PUM2: variants seen among roughly 807,000 people sequenced by gnomAD.
PUM2 encodes the protein pumilio RNA binding family member 2.
Under a neutral mutation model 124.5 loss-of-function variants are expected in PUM2, and 57 were observed. The ratio of observed to expected loss-of-function variants is 0.46; its 90% CI spans 0.37 to 0.57. The LOEUF is 0.57. Among genes scored for constraint, PUM2 ranks in the 20% least tolerant of loss-of-function variants. PUM2 has a pLI of 0.00. For missense variants in PUM2, 1,065 were observed against 1,290.6 expected (o/e 0.83, Z 2.68); for synonymous variants, 460 against 446.1 (o/e 1.03, Z -0.39).
intron 1 of PUM2, among the ~76,000 whole-genome samples, chr2:20,344,948 A>C (rs1573039392): frequency 7.4e-6 from 1 of 134,384 alleles, no homozygotes; most frequent in Admixed American, 8.5e-5. Context: ...GTGCCACTGC[A>C]CTCCAGCCAG....
intron 14 of PUM2, among the ~76,000 whole-genome samples, chr2:20,262,241 ACTCACTCAC>A (rs970508193): frequency 1.3e-5 from 2 of 152,238 alleles, no homozygotes; most frequent in Non-Finnish European, 1.5e-5. Context: ...CTCACAACTC[ACTCACTCAC>A]CCGGAGCAAC....
intron 3 of PUM2, among the ~76,000 whole-genome samples, chr2:20,312,795 A>G (rs1380464588): frequency 6.6e-6 from 1 of 152,224 alleles, no homozygotes; most frequent in African/African-American, 2.4e-5. Context: ...AGTTGGAGAC[A>G]TCACGCTACT....
intron 10 of PUM2, among the ~76,000 whole-genome samples, chr2:20,288,729 C>T (rs1000704704): frequency 1.3e-5 from 2 of 152,034 alleles, no homozygotes; most frequent in Admixed American, 1.3e-4. Flanking sequence ...TCAAGTGAGC[C>T]CTTTTTAGTA....
chr2:20,331,117 C>A (rs989500879), intron 1 of PUM2, among the ~76,000 whole-genome samples: 5 of 141,874 alleles, frequency 3.5e-5, no homozygotes, highest in Non-Finnish European at 7.7e-5. Flanking sequence ...TTGGTTCAGA[C>A]AACTTGGGGA....
intron 15 of PUM2, among the ~76,000 whole-genome samples, chr2:20,259,991 T>G (rs1183802336): frequency 6.6e-6 from 1 of 152,248 alleles, no homozygotes. Flanking sequence ...AGGTATAAAA[T>G]GGTATCTCAT....
chr2:20,262,333 A>G (rs1174440885), intron 14 of PUM2, among the ~76,000 whole-genome samples: 1 of 152,180 alleles, frequency 6.6e-6, no homozygotes, highest in Non-Finnish European at 1.5e-5. Flanking sequence ...TTTATACTAT[A>G]GTTTAACTGT....
intron 1 of PUM2, among the ~76,000 whole-genome samples, chr2:20,328,236 A>C (rs1167093262): frequency 6.6e-6 from 1 of 152,202 alleles, no homozygotes; most frequent in Non-Finnish European, 1.5e-5. Context: ...TTCGGGTGGC[A>C]GAAGAATTGC....
In PUM2 at chr2:20,350,682, T is replaced by A. The variant is rs1689184507; in HGVS notation, c.-104A>T. ...TCGCTCTTGGCGGTCCTCCCCCTCC[T>A]CCGCCTTCGGTGGCGGCAATGTCTT... On this transcript the variant is annotated 5_prime_UTR_variant, in exon 1 of 21. Coordinates refer to ENST00000361078, the MANE Select transcript of PUM2 (RefSeq NM_015317.5). 1 of 983,902 alleles carries A rather than the reference T, an allele frequency of 1.0e-6. No individual in the cohort carries two copies. 60.9% of individuals were successfully genotyped at this position (983,902 alleles called of 1,614,324 possible). A position where few individuals can be genotyped will look rare whatever the true frequency, so the allele number is the denominator to read the frequency against.
chr2:20,260,816 A>T (rs1477628602), intron 14 of PUM2, among the ~76,000 whole-genome samples: 2 of 152,198 alleles, frequency 1.3e-5, no homozygotes, highest in Admixed American at 6.5e-5. Context: ...ATAATAAAGG[A>T]AACCCTTAGA....
intron 3 of PUM2, among the ~76,000 whole-genome samples, chr2:20,313,907 CTG>C (rs1402850100): frequency 6.8e-6 from 1 of 147,544 alleles, no homozygotes; most frequent in Non-Finnish European, 1.5e-5. Flanking sequence ...CTTTGACAGA[CTG>C]AGGCGGGTGG....
At chr2:20,351,490 A>G (rs1689335656), upstream of PUM2, among the ~76,000 whole-genome samples, 1 of 151,956 alleles carries the variant, frequency 6.6e-6, no homozygotes, top group Admixed American at 6.6e-5. Context: ...CACAAAGGAA[A>G]CTCAGGTCGT....
intron 17 of PUM2, 37 bp downstream of exon 17, chr2:20,255,996 C>G (rs77051628): frequency 0.031 from 46,525 of 1,492,386 alleles, 887 homozygotes; most frequent in Middle Eastern, 0.067. Context: ...TAAAATAATG[C>G]CCTGCTAACA....
At position 20,339,600 on chromosome 2, in the gene PUM2, C is replaced by A. The variant is rs540030252; in HGVS notation, c.-19+10997G>T. Among the ~76,000 whole-genome samples the A allele has an allele frequency of 2.5e-4, 38 of 152,264 alleles. 1 individual carries two copies. In the South Asian group the frequency reaches 7.3e-3, roughly 29 times the overall value. ...ATTTAAAAGAAAAAAGAAAAGCAGG[C>A]CAGGCATGGTGGCTCATGCCTGTAA... On this transcript the variant is annotated intron_variant, in intron 1 of 20. Transcript: ENST00000361078.
chr2:20,290,287 T>A (rs1673710077), intron 10 of PUM2, among the ~76,000 whole-genome samples: 1 of 152,204 alleles, frequency 6.6e-6, no homozygotes, highest in South Asian at 2.1e-4. Context: ...ACTAAAAGAT[T>A]ATTCTTATAA....
chr2:20,344,224 T>C (rs1342670511), intron 1 of PUM2, among the ~76,000 whole-genome samples: 2 of 152,040 alleles, frequency 1.3e-5, no homozygotes, highest in African/African-American at 2.4e-5. Context: ...CGAGCCACCA[T>C]GCCCAGCTAA....
At chr2:20,320,525 A>G (rs1171771069) in intron 2 of PUM2, among the ~76,000 whole-genome samples, 1 of 152,166 alleles carries the variant, frequency 6.6e-6, no homozygotes, top group Non-Finnish European at 1.5e-5. Context: ...ATATTTTGCT[A>G]AACTAAATGT....
rs1339482391 is a variant in PUM2 at position 20,350,807 on chromosome 2, CACA to C, written c.-232_-230del. 8.2e-6 allele frequency: 8 copies of C among 981,128 alleles called. No individual in the cohort carries two copies. The Admixed American group carries it at 1.9e-4, about 23-fold the overall frequency. 60.8% of individuals were successfully genotyped at this position (981,128 alleles called of 1,614,324 possible). A position where few individuals can be genotyped will look rare whatever the true frequency, so the allele number is the denominator to read the frequency against. ...GTACCGAGGGTGAGACACAGAGACT[CACA>C]ACAACATGGCTGCCACCGCCGCCTG... On this transcript the variant is annotated 5_prime_UTR_variant, in exon 1 of 21. An upstream open reading frame in the 5' UTR gains an earlier in-frame stop. Coordinates refer to ENST00000361078, the MANE Select transcript of PUM2 (RefSeq NM_015317.5).
At position 20,296,218 on chromosome 2, in the gene PUM2, G is replaced by A. The variant is rs540034447; in HGVS notation, c.1009+1335C>T. On this transcript the variant is annotated intron_variant, in intron 8 of 20. Transcript: ENST00000361078. ...TTGACTTTAAAAATCAGTCTTGGCC[G>A]GGCGCGGTGGCTCACGCCTGTAATC... Among the ~76,000 whole-genome samples the A allele has an allele frequency of 1.2e-3, 189 of 152,246 alleles. 2 individuals carry two copies. The highest frequency in any genetic ancestry group is 2.3e-3 in the Non-Finnish European group (158 of 67,996).
rs142412795 is a variant in PUM2, at chr2:20,306,473, G to A, written c.883+1505C>T. Among the ~76,000 whole-genome samples, 782 of 152,140 alleles carry A rather than the reference G, an allele frequency of 5.1e-3. 3 individuals are homozygous for A. The highest frequency in any genetic ancestry group is 0.018 in the African/African-American group (728 of 41,506). ...TGTGCTGTCCATGAATAGACAGGTA[G>A]CAGTACATTTCTAACATAAGAGGAC... is the stretch of plus-strand genomic sequence containing the variant. On this transcript the variant is annotated intron_variant, in intron 7 of 20. Transcript: ENST00000361078.
Sources: allele counts gnomAD v4.1 joint callset (sites outside exome capture counted in the v4.1 genomes callset), GRCh38; gene constraint gnomAD v4.1.1; transcripts MANE v1.5; gene names NCBI Gene and HGNC (gene_info 2026-07-23, HGNC 2026-07-21).